PBX1: variants seen among roughly 807,000 people sequenced by gnomAD.
The protein encoded by PBX1 is pre-B-cell leukemia transcription factor 1.
In PBX1, 6 loss-of-function variants were observed where a neutral mutation model predicts 53.4. The ratio of observed to expected loss-of-function variants is 0.11; its 90% CI spans 0.06 to 0.22. The LOEUF (loss-of-function observed/expected upper bound fraction) is 0.22. Ranked by LOEUF, PBX1 falls within the 10% of genes least tolerant of loss-of-function variation. The pLI is 1.00. For synonymous variants in PBX1, 204 were observed against 212.3 expected (o/e 0.96, Z 0.34); for missense variants, 251 against 551.4 (o/e 0.46, Z 5.46).
intron 8 of PBX1, among the ~76,000 whole-genome samples, chr1:164,826,556 C>G (rs999839292): frequency 1.3e-5 from 2 of 152,070 alleles, no homozygotes; most frequent in African/African-American, 2.4e-5. Flanking sequence ...AGGTTTGCAC[C>G]ACCATGCCCA....
At chr1:164,668,725 G>A (rs889426559) in intron 2 of PBX1, among the ~76,000 whole-genome samples, 2 of 152,202 alleles carry the variant, frequency 1.3e-5, no homozygotes, top group East Asian at 3.9e-4. Flanking sequence ...TGCCAGGACC[G>A]GCTCCTCGCG....
intron 2 of PBX1, among the ~76,000 whole-genome samples, chr1:164,873,331 A>G (rs1413419018): frequency 6.6e-6 from 1 of 152,206 alleles, no homozygotes; most frequent in Non-Finnish European, 1.5e-5. Flanking sequence ...CATGCTACTC[A>G]CTATTATCCT....
chr1:164,776,710 T>C (rs1054981415), intron 2 of PBX1, among the ~76,000 whole-genome samples: 25 of 152,206 alleles, frequency 1.6e-4, no homozygotes, highest in Non-Finnish European at 3.7e-4. Context: ...GTGCAAAGTT[T>C]TAAGCCTAAC....
chr1:164,652,671 AT>A (rs1266862061), intron 2 of PBX1, among the ~76,000 whole-genome samples: 2 of 152,144 alleles, frequency 1.3e-5, no homozygotes, highest in Non-Finnish European at 2.9e-5. Flanking sequence ...TAAAAGATAA[AT>A]AAGCTTGTGA....
chr1:164,862,365 C>G (rs1405404249), intron 2 of PBX1, among the ~76,000 whole-genome samples: 2 of 152,182 alleles, frequency 1.3e-5, no homozygotes, highest in Non-Finnish European at 2.9e-5. Flanking sequence ...ATTATTGCTT[C>G]CACAGCACCC....
At chr1:164,573,412 T>G (rs1407193317) in intron 2 of PBX1, among the ~76,000 whole-genome samples, 4 of 151,892 alleles carry the variant, frequency 2.6e-5, no homozygotes, top group Non-Finnish European at 5.9e-5. Flanking sequence ...TAATGAGATA[T>G]TTTACATTCT....
At chr1:164,864,960 A>G (rs1328277074) in intron 2 of PBX1, among the ~76,000 whole-genome samples, 5 of 152,224 alleles carry the variant, frequency 3.3e-5, no homozygotes, top group African/African-American at 1.2e-4. Flanking sequence ...TCCCGAGGTC[A>G]TCCGTCTGAT....
intron 2 of PBX1, among the ~76,000 whole-genome samples, chr1:164,617,182 C>A (rs1557893757): frequency 6.6e-6 from 1 of 152,180 alleles, no homozygotes; most frequent in Non-Finnish European, 1.5e-5. Flanking sequence ...GCTACTCAAC[C>A]CAGTTGGTTA....
chr1:164,603,834 T>TTGTA, intron 2 of PBX1, among the ~76,000 whole-genome samples: 1 of 152,098 alleles, frequency 6.6e-6, no homozygotes, highest in East Asian at 1.9e-4. Context: ...AGTACCTGAA[T>TTGTA]TGTATCTATC....
intron 2 of PBX1, among the ~76,000 whole-genome samples, chr1:164,755,960 C>T (rs1410617338): frequency 6.8e-6 from 1 of 147,742 alleles, no homozygotes; most frequent in African/African-American, 2.5e-5. Flanking sequence ...AGGTAGCCTC[C>T]TGGTGCAAGT....
intron 4 of PBX1, among the ~76,000 whole-genome samples, chr1:164,801,808 G>A (rs1246652021): frequency 6.6e-6 from 1 of 152,104 alleles, no homozygotes; most frequent in East Asian, 1.9e-4. Context: ...TCATTTTGGG[G>A]GTATATTTAT....
intron 8 of PBX1, among the ~76,000 whole-genome samples, chr1:164,828,119 T>C (rs911885217): frequency 6.6e-6 from 1 of 152,182 alleles, no homozygotes; most frequent in African/African-American, 2.4e-5. Flanking sequence ...ACCAAATAGA[T>C]ATACCATGGA....
intron 2 of PBX1, among the ~76,000 whole-genome samples, chr1:164,632,319 T>G (rs1658462515): frequency 6.6e-6 from 1 of 152,124 alleles, no homozygotes; most frequent in Non-Finnish European, 1.5e-5. Flanking sequence ...CCTTTCATCT[T>G]TATTATGCAG....
At chr1:164,839,842 A>G (rs1671210197) in intron 8 of PBX1, among the ~76,000 whole-genome samples, 2 of 152,018 alleles carry the variant, frequency 1.3e-5, no homozygotes, top group South Asian at 4.1e-4. Flanking sequence ...GAGCCAGACT[A>G]GAGAGGAGTG....
intron 2 of PBX1, among the ~76,000 whole-genome samples, chr1:164,760,197 T>C (rs2635038): frequency 0.41 from 62,032 of 152,132 alleles, 14,245 homozygotes; most frequent in Non-Finnish European, 0.52. Context: ...CCACTTACCA[T>C]GTCACACATT....
intron 2 of PBX1, among the ~76,000 whole-genome samples, chr1:164,733,209 T>C (rs1665091191): frequency 6.6e-6 from 1 of 152,208 alleles, no homozygotes; most frequent in Non-Finnish European, 1.5e-5. Context: ...TACATTCTTG[T>C]TGAGGGATCC....
chr1:164,774,431 A>G (rs1300431946), intron 2 of PBX1: 1 of 152,176 alleles, frequency 6.6e-6, no homozygotes, highest in Non-Finnish European at 1.5e-5. Context: ...TTGTCTACCT[A>G]TTTCTGAGTC....
chr1:164,640,566 T>G (rs1234517983), intron 2 of PBX1, among the ~76,000 whole-genome samples: 28 of 148,988 alleles, frequency 1.9e-4, no homozygotes, highest in South Asian at 1.0e-3. Flanking sequence ...GTGTTTTTTT[T>G]TTTTTTTTTA....
downstream of PBX1, chr1:164,851,961 G>A (rs185707736): frequency 7.9e-4 from 121 of 153,630 alleles, 2 homozygotes; most frequent in African/African-American, 2.7e-3. Context: ...TACTATGGTG[G>A]TGGGGCAGAG....
Sources: gnomAD v4.1 joint callset for allele counts (sites outside exome capture counted in the v4.1 genomes callset) on GRCh38, gnomAD v4.1.1 for gene constraint, MANE v1.5 for transcripts, NCBI Gene and HGNC (gene_info 2026-07-23, HGNC 2026-07-21) for gene names.